The following ASIC2 variants were observed in gnomAD, a reference collection of about 807,000 sequenced individuals.
The protein encoded by ASIC2 is acid-sensing ion channel 2.
A neutral mutation model predicts 57.3 loss-of-function variants in ASIC2; 25 were observed. The ratio of observed to expected loss-of-function variants is 0.44; its 90% confidence interval spans 0.32 to 0.61. The LOEUF is 0.61. Ranked by LOEUF, ASIC2 falls within the 20% of genes least tolerant of loss-of-function variation. The pLI is 0.06. For synonymous variants in ASIC2, 319 were observed against 307.5 expected (o/e 1.04, Z -0.39); for missense variants, 641 against 738.1 (o/e 0.87, Z 1.52).
chr17:33,370,206 A>G (rs1409742399), intron 1 of ASIC2, among the ~76,000 whole-genome samples: 2 of 152,134 alleles, frequency 1.3e-5, no homozygotes, highest in African/African-American at 2.4e-5. Context: ...ATGCAGGCAA[A>G]TCTAGCCTGG....
intron 1 of ASIC2, among the ~76,000 whole-genome samples, chr17:33,577,758 CCT>C (rs1234334135): frequency 2.6e-5 from 4 of 152,142 alleles, no homozygotes; most frequent in African/African-American, 7.2e-5. Flanking sequence ...TCATTCCCCT[CCT>C]CTGTGTTCAC....
At chr17:33,608,735 C>T (rs918937767) in intron 1 of ASIC2, among the ~76,000 whole-genome samples, 5 of 152,200 alleles carry the variant, frequency 3.3e-5, no homozygotes, top group African/African-American at 1.2e-4. Context: ...CCTTGCCTCT[C>T]TGAATTAAAT....
intron 1 of ASIC2, among the ~76,000 whole-genome samples, chr17:33,275,473 G>A (rs1904667996): frequency 6.6e-6 from 1 of 152,212 alleles, no homozygotes; most frequent in East Asian, 1.9e-4. Context: ...ATGACTCCCA[G>A]TGGCTAACGT....
At chr17:34,035,939 T>C (rs1007619875) in intron 1 of ASIC2, among the ~76,000 whole-genome samples, 2 of 151,862 alleles carry the variant, frequency 1.3e-5, no homozygotes, top group African/African-American at 2.4e-5. Flanking sequence ...TTGGTGGGAC[T>C]GTAAACTAGT....
At chr17:33,115,677 A>T (rs1482411287) in intron 1 of ASIC2, among the ~76,000 whole-genome samples, 1 of 152,176 alleles carries the variant, frequency 6.6e-6, no homozygotes, top group Non-Finnish European at 1.5e-5. Flanking sequence ...GCCTTCATTC[A>T]TATCGGGACT....
intron 1 of ASIC2, among the ~76,000 whole-genome samples, chr17:33,343,940 AT>A (rs1907839723): frequency 6.6e-6 from 1 of 152,144 alleles, no homozygotes; most frequent in Non-Finnish European, 1.5e-5. Flanking sequence ...TGTCTTGCAA[AT>A]ATTCACCATT....
At chr17:33,520,320 G>A (rs896054960) in intron 1 of ASIC2, among the ~76,000 whole-genome samples, 37 of 152,206 alleles carry the variant, frequency 2.4e-4, no homozygotes, top group Non-Finnish European at 3.2e-4. Flanking sequence ...AAAATCACTC[G>A]CGAATTCATT....
intron 1 of ASIC2, among the ~76,000 whole-genome samples, chr17:33,224,134 G>A (rs1184904834): frequency 6.6e-6 from 1 of 152,238 alleles, no homozygotes; most frequent in Admixed American, 6.5e-5. Context: ...CAAGAACACA[G>A]GGTCAGGTGT....
chr17:33,428,028 G>A lies in ASIC2; in HGVS notation c.556-315961C>T, dbSNP rs796193842. On this transcript the variant is annotated intron_variant, in intron 1 of 9. Coordinates refer to the ASIC2 transcript ENST00000359872. ...AAGTAACTGAGGTCTCCTAACAACAGCCATATGAAAGAACCTTGTGGAAAG... is the reference window on the plus strand; with the variant it reads ...AAGTAACTGAGGTCTCCTAACAACAACCATATGAAAGAACCTTGTGGAAAG... Among the ~76,000 whole-genome samples the A allele has an allele frequency of 9.2e-5, 14 of 152,310 alleles. 1 individual carries two copies. The highest frequency in any genetic ancestry group is 2.9e-4 in the African/African-American group (12 of 41,558).
chr17:33,243,998 T>G (rs984782559), intron 1 of ASIC2, among the ~76,000 whole-genome samples: 1 of 152,182 alleles, frequency 6.6e-6, no homozygotes, highest in African/African-American at 2.4e-5. Context: ...GAATTCAATC[T>G]CCCAGAAACC....
chr17:33,381,578 G>A (rs904390189), intron 1 of ASIC2, among the ~76,000 whole-genome samples: 2 of 152,026 alleles, frequency 1.3e-5, no homozygotes, highest in Non-Finnish European at 2.9e-5. Context: ...CCCCGGGGGG[G>A]CACTGAAACT....
intron 1 of ASIC2, among the ~76,000 whole-genome samples, chr17:34,040,372 T>C (rs1329712840): frequency 1.5e-5 from 2 of 130,422 alleles, no homozygotes; most frequent in African/African-American, 3.1e-5. Context: ...GCGTGTTTCC[T>C]CGCGAGATTT....
chr17:33,427,590 C>T (rs960017061), intron 1 of ASIC2, among the ~76,000 whole-genome samples: 1 of 152,168 alleles, frequency 6.6e-6, no homozygotes, highest in African/African-American at 2.4e-5. Flanking sequence ...GCTGATTATC[C>T]CAGGAGTTTA....
In ASIC2 at chr17:33,637,281, A is replaced by C. The variant is rs536888726; in HGVS notation, c.555+518697T>G. 1.0e-3 allele frequency among the ~76,000 whole-genome samples: 153 copies of C among 152,142 alleles called. 1 individual carries two copies. Among genetic ancestry groups the C allele is most frequent in the Non-Finnish European group, 1.7e-3 (119 of 68,010 alleles). On this transcript the variant is annotated intron_variant, in intron 1 of 9. Transcript: ENST00000359872. ...CCCAAAGCAGCAAGCTGGCCACTGA[A>C]GTGCCCTTTTCCAAAGAGCAGCTCG...
At chr17:33,205,101 G>A (rs939697312) in intron 1 of ASIC2, among the ~76,000 whole-genome samples, 1 of 152,206 alleles carries the variant, frequency 6.6e-6, no homozygotes, top group Non-Finnish European at 1.5e-5. Context: ...TCACCATGCA[G>A]TAGCCTCTCT....
chr17:33,242,856 T>C (rs1908558944), intron 1 of ASIC2, among the ~76,000 whole-genome samples: 2 of 152,116 alleles, frequency 1.3e-5, no homozygotes, highest in Non-Finnish European at 2.9e-5. Flanking sequence ...GCAGGGAAGG[T>C]GGGCAGGGAG....
At chr17:33,841,269 C>T (rs1385913315) in intron 1 of ASIC2, among the ~76,000 whole-genome samples, 1 of 152,212 alleles carries the variant, frequency 6.6e-6, no homozygotes, top group Non-Finnish European at 1.5e-5. Flanking sequence ...ACATGGACTC[C>T]AGAGGTCTCT....
At chr17:33,513,342 G>A (rs1914481263) in intron 1 of ASIC2, among the ~76,000 whole-genome samples, 1 of 152,334 alleles carries the variant, frequency 6.6e-6, no homozygotes, top group Admixed American at 6.5e-5. Context: ...GAGGCATTGA[G>A]TGCTATAAAA....
intron 1 of ASIC2, among the ~76,000 whole-genome samples, chr17:33,543,182 T>G (rs1281754588): frequency 4.7e-5 from 7 of 149,832 alleles, no homozygotes; most frequent in Admixed American, 2.6e-4. Context: ...ATATACCTAA[T>G]GCTAGATGAC....
Sources: gnomAD v4.1 joint callset for allele counts (sites outside exome capture counted in the v4.1 genomes callset) on GRCh38, gnomAD v4.1.1 for gene constraint, MANE v1.5 for transcripts, NCBI Gene and HGNC (gene_info 2026-07-23, HGNC 2026-07-21) for gene names.